NBAS: variants seen among roughly 807,000 people sequenced by gnomAD.
NBAS encodes NBAS subunit of NRZ tethering complex.
In NBAS, 219 loss-of-function variants were observed where a neutral mutation model predicts 302.5. That is an observed-to-expected ratio of 0.72 (90% CI 0.65 to 0.81). NBAS has a LOEUF of 0.81. Ranked by LOEUF, NBAS falls within the 30% of genes least tolerant of loss-of-function variation. The pLI, the probability that NBAS is intolerant of heterozygous loss-of-function variation, is 0.00. For missense variants in NBAS, 2,932 were observed against 2,841.6 expected, an observed-to-expected ratio of 1.03 and a Z score of -0.72; for synonymous variants, 1,118 against 1,021.6, an observed-to-expected ratio of 1.09 and a Z score of -1.80.
the NBAS span, among the ~76,000 whole-genome samples, chr2:14,795,934 TTTTAGAAGTTTTATGATTTCTTTATGA>T: frequency 4.6e-5 from 7 of 152,348 alleles, no homozygotes; most frequent in Admixed American, 4.6e-4. Context: ...TCTGTATGTC[TTTTAGAAGTTTTATGATTTCTTTATGA>T]TTTAGAAGTT....
intron 38 of NBAS, among the ~76,000 whole-genome samples, chr2:15,319,894 T>C (rs1031492212): frequency 1.3e-5 from 2 of 152,064 alleles, no homozygotes; most frequent in South Asian, 2.1e-4. Context: ...ACTCATTTTA[T>C]GAGGCCAGCA....
chr2:15,403,737 CAA>C (rs1676265522), intron 25 of NBAS, among the ~76,000 whole-genome samples: 2 of 151,944 alleles, frequency 1.3e-5, no homozygotes, highest in African/African-American at 4.8e-5. Context: ...TGTCATCTGA[CAA>C]AGAGTTAACC....
rs1262409659 is a variant in NBAS at position 15,488,892 on chromosome 2, A to C, written c.1083+2T>G. ...TATCATTCTAATAACCAAGAGACGC[A>C]CCTGCTCATTTTGACCCCATTCCCC... On this transcript the variant is annotated splice_donor_variant, in intron 12 of 51. Coordinates refer to ENST00000281513, the MANE Select transcript of NBAS (RefSeq NM_015909.4). LOFTEE classifies it high-confidence loss of function. 1 of 1,613,598 alleles carries C rather than the reference A, an allele frequency of 6.2e-7. No individual in the cohort carries two copies. Among genetic ancestry groups the C allele is most frequent in the East Asian group, 2.2e-5 (1 of 44,840 alleles).
chr2:15,526,609 T>G (rs1662925040), intron 9 of NBAS, among the ~76,000 whole-genome samples: 1 of 152,106 alleles, frequency 6.6e-6, no homozygotes, highest in South Asian at 2.1e-4. Flanking sequence ...TAGCAAAATT[T>G]TTGTCATGCA....
intron 35 of NBAS, among the ~76,000 whole-genome samples, chr2:15,350,776 A>G (rs1191059145): frequency 6.6e-6 from 1 of 152,230 alleles, no homozygotes; most frequent in African/African-American, 2.4e-5. Flanking sequence ...AATCAGAAAA[A>G]TATAAATCAA....
chr2:14,866,324 T>C, the NBAS span, among the ~76,000 whole-genome samples: 280 of 152,338 alleles, frequency 1.8e-3, no homozygotes, highest in Non-Finnish European at 2.7e-3. Flanking sequence ...CCATGTTCTC[T>C]AACCTAGCAA....
intron 25 of NBAS, among the ~76,000 whole-genome samples, chr2:15,413,635 G>A (rs1026880644): frequency 1.1e-4 from 17 of 152,178 alleles, no homozygotes; most frequent in African/African-American, 2.9e-4. Flanking sequence ...GTATCCTAGT[G>A]CATGCATGGA....
chr2:15,394,309 T>C lies in NBAS; in HGVS notation c.3175A>G (p.Ile1059Val), dbSNP rs527958367. Reference sequence around the variant, plus strand: ...GATTGAGTGTTTTTAACAAATGAAATTGGTTTCTCGAGTCCATGTTTTTCC... The same window carrying C: ...GATTGAGTGTTTTTAACAAATGAAACTGGTTTCTCGAGTCCATGTTTTTCC... ...LLEKHGLEKPISFVKNTQSSS... is the reference protein window; with the variant it reads ...LLEKHGLEKPVSFVKNTQSSS... Residue 1059 changes from isoleucine to valine, a missense_variant, in exon 28 of 52, where the codon ATT becomes GTT. By Grantham distance (29) the Ile-to-Val change is conservative. Coordinates refer to ENST00000281513, the MANE Select transcript of NBAS (RefSeq NM_015909.4). The C allele has an allele frequency of 3.1e-6, 5 of 1,613,204 alleles. No homozygotes were observed. The highest frequency in any genetic ancestry group is 3.3e-5 in the Admixed American group (2 of 59,976).
At chr2:14,811,970 A>G in the NBAS span, among the ~76,000 whole-genome samples, 2 of 152,242 alleles carry the variant, frequency 1.3e-5, no homozygotes, top group African/African-American at 4.8e-5. Context: ...AAATCAGTAC[A>G]AAGCTTAGGG....
intron 40 of NBAS, among the ~76,000 whole-genome samples, chr2:15,301,993 T>G (rs1267536280): frequency 6.6e-6 from 1 of 152,210 alleles, no homozygotes; most frequent in African/African-American, 2.4e-5. Context: ...TTAGAATGAC[T>G]ACTCTGGCAG....
chr2:14,917,403 C>A, the NBAS span, among the ~76,000 whole-genome samples: 1 of 152,206 alleles, frequency 6.6e-6, no homozygotes, highest in Non-Finnish European at 1.5e-5. Flanking sequence ...AAGTTCACTT[C>A]ATCAAAGCCA....
At chr2:15,402,705 T>C (rs1036010908) in intron 25 of NBAS, among the ~76,000 whole-genome samples, 2 of 152,198 alleles carry the variant, frequency 1.3e-5, no homozygotes, top group Non-Finnish European at 2.9e-5. Flanking sequence ...TTACAACCTA[T>C]TACTTTTCAG....
intron 9 of NBAS, among the ~76,000 whole-genome samples, chr2:15,513,696 A>G (rs1041539369): frequency 3.9e-5 from 6 of 152,206 alleles, no homozygotes; most frequent in Non-Finnish European, 7.4e-5. Context: ...AATGAATTAA[A>G]AGAAAACATA....
intron 40 of NBAS, among the ~76,000 whole-genome samples, chr2:15,305,486 CTT>C (rs1461047552): frequency 1.1e-4 from 15 of 132,442 alleles, no homozygotes; most frequent in African/African-American, 4.0e-4. Context: ...GAATTTCACT[CTT>C]GTTGCCCAGG....
intron 21 of NBAS, among the ~76,000 whole-genome samples, chr2:15,445,995 T>A (rs1325074024): frequency 1.4e-5 from 2 of 145,324 alleles, no homozygotes; most frequent in South Asian, 2.2e-4. Context: ...ATAGAAACAA[T>A]CCAAAATAAA....
chr2:15,000,240 G>T, the NBAS span, among the ~76,000 whole-genome samples: 1 of 152,184 alleles, frequency 6.6e-6, no homozygotes, highest in Non-Finnish European at 1.5e-5. Flanking sequence ...CAGGATAACT[G>T]CCCTGTATCT....
the NBAS span, among the ~76,000 whole-genome samples, chr2:14,843,692 C>T: frequency 6.6e-6 from 1 of 152,042 alleles, no homozygotes; most frequent in African/African-American, 2.4e-5. Context: ...AGTCTTGAAT[C>T]ACTGATGTCA....
intron 51 of NBAS, among the ~76,000 whole-genome samples, chr2:15,175,695 A>G (rs1258079743): frequency 6.6e-6 from 1 of 152,148 alleles, no homozygotes; most frequent in Non-Finnish European, 1.5e-5. Flanking sequence ...CTGGCCCAGG[A>G]AAGAGGCTGT....
the NBAS span, among the ~76,000 whole-genome samples, chr2:15,054,925 T>C: frequency 6.6e-6 from 1 of 152,186 alleles, no homozygotes; most frequent in South Asian, 2.1e-4. Flanking sequence ...GGACTGAGAT[T>C]ATCACCCTCC....
Sources: gnomAD v4.1 joint callset for allele counts (sites outside exome capture counted in the v4.1 genomes callset) on GRCh38, gnomAD v4.1.1 for gene constraint, MANE v1.5 for transcripts, NCBI Gene and HGNC (gene_info 2026-07-23, HGNC 2026-07-21) for gene names.